Variants in DPP10 observed in about 807,000 individuals in gnomAD.
DPP10 encodes dipeptidyl peptidase like 10.
Under a neutral mutation model 120.9 loss-of-function variants are expected in DPP10, and 33 were observed. The observed-to-expected ratio is 0.27, with a 90% CI of 0.21 to 0.37. The LOEUF (loss-of-function observed/expected upper bound fraction) is 0.37. Ranked by LOEUF, DPP10 falls within the 10% of genes least tolerant of loss-of-function variation. The pLI, the probability that DPP10 is intolerant of heterozygous loss-of-function variation, is 1.00. For missense variants in DPP10, 816 were observed against 942.8 expected (o/e 0.87, Z 1.76); for synonymous variants, 337 against 326.1 (o/e 1.03, Z -0.36).
intron 1 of DPP10, chr2:115,161,739 G>A (rs2052381710): frequency 2.4e-6 from 1 of 413,332 alleles, no homozygotes; most frequent in Non-Finnish European, 4.2e-6. Flanking sequence ...GGAGAGCGGG[G>A]AGTCAGAGGG....
intron 1 of DPP10, among the ~76,000 whole-genome samples, chr2:114,677,396 A>G (rs566360395): frequency 1.3e-5 from 2 of 152,178 alleles, no homozygotes; most frequent in Non-Finnish European, 2.9e-5. Flanking sequence ...TTTCTGAATG[A>G]AAAAGTAGAG....
intron 1 of DPP10, among the ~76,000 whole-genome samples, chr2:114,844,493 G>A (rs1190206643): frequency 1.3e-5 from 2 of 151,588 alleles, no homozygotes; most frequent in African/African-American, 4.8e-5. Context: ...TACAAGAACT[G>A]TATTTGTGTG....
At chr2:115,568,704 G>A (rs963655902) in intron 5 of DPP10, among the ~76,000 whole-genome samples, 12 of 151,868 alleles carry the variant, frequency 7.9e-5, no homozygotes, top group African/African-American at 2.7e-4. Flanking sequence ...CATTCCCATG[G>A]AGTTAATCTG....
intron 1 of DPP10, among the ~76,000 whole-genome samples, chr2:115,208,816 G>T (rs1478999616): frequency 6.6e-6 from 1 of 152,104 alleles, no homozygotes; most frequent in African/African-American, 2.4e-5. Context: ...TAAGAGCAGT[G>T]CCAACATCAT....
intron 9 of DPP10, among the ~76,000 whole-genome samples, chr2:115,742,496 G>A (rs953620921): frequency 6.6e-6 from 1 of 152,066 alleles, no homozygotes; most frequent in African/African-American, 2.4e-5. Flanking sequence ...AATAGGCAAA[G>A]CCAAAAGAAA....
chr2:115,800,028 T>C (rs1341230375), intron 19 of DPP10, among the ~76,000 whole-genome samples: 2 of 151,494 alleles, frequency 1.3e-5, no homozygotes, highest in Non-Finnish European at 2.9e-5. Context: ...CCACAATGGT[T>C]GAACTAGTTT....
At chr2:115,287,591 A>G (rs2060454763) in intron 1 of DPP10, among the ~76,000 whole-genome samples, 1 of 152,074 alleles carries the variant, frequency 6.6e-6, no homozygotes, top group Admixed American at 6.6e-5. Context: ...AATGGCCTCC[A>G]GTTCTACTCA....
chr2:114,816,526 T>C (rs141649149), intron 1 of DPP10, among the ~76,000 whole-genome samples: 1 of 152,328 alleles, frequency 6.6e-6, no homozygotes, highest in African/African-American at 2.4e-5. Context: ...AAGGCCTTCC[T>C]TGACCACTCT....
chr2:115,590,160 A>G (rs2082550506), intron 5 of DPP10, among the ~76,000 whole-genome samples: 1 of 133,994 alleles, frequency 7.5e-6, no homozygotes, highest in Non-Finnish European at 1.6e-5. Context: ...CTTTATTATT[A>G]TTATTATTAT....
chr2:115,543,470 G>T (rs1281988290), intron 5 of DPP10, among the ~76,000 whole-genome samples: 1 of 151,930 alleles, frequency 6.6e-6, no homozygotes, highest in Admixed American at 6.6e-5. Flanking sequence ...CAATAAACTT[G>T]CAGGTAAACA....
chr2:114,971,348 T>C (rs866324316), intron 1 of DPP10, among the ~76,000 whole-genome samples: 21 of 152,186 alleles, frequency 1.4e-4, no homozygotes, highest in African/African-American at 4.8e-4. Flanking sequence ...GTAAACTGGA[T>C]TATAATTACA....
chr2:114,759,576 G>T (rs1244045362), intron 1 of DPP10, among the ~76,000 whole-genome samples: 2 of 151,486 alleles, frequency 1.3e-5, no homozygotes, highest in Admixed American at 1.3e-4. Context: ...GGAGTTCTTT[G>T]GGTCCATGTC....
intron 1 of DPP10, among the ~76,000 whole-genome samples, chr2:114,504,617 C>G (rs891312958): frequency 6.6e-6 from 1 of 151,918 alleles, no homozygotes; most frequent in Non-Finnish European, 1.5e-5. Context: ...AACAAAGTAG[C>G]TTGCATTCAT....
At chr2:115,444,013 T>A (rs1440851529) in intron 3 of DPP10, among the ~76,000 whole-genome samples, 2 of 152,098 alleles carry the variant, frequency 1.3e-5, no homozygotes, top group Non-Finnish European at 2.9e-5. Context: ...TATTAGCAGT[T>A]CCCTGCTTCC....
intron 1 of DPP10, among the ~76,000 whole-genome samples, chr2:114,919,638 C>T (rs1695051808): frequency 6.6e-6 from 1 of 152,046 alleles, no homozygotes; most frequent in Non-Finnish European, 1.5e-5. Flanking sequence ...AAATAATCAG[C>T]CAAAGTTTGC....
intron 5 of DPP10, among the ~76,000 whole-genome samples, chr2:115,664,485 T>C (rs2089278442): frequency 6.6e-6 from 1 of 152,226 alleles, no homozygotes; most frequent in African/African-American, 2.4e-5. Flanking sequence ...GCTTAATGTA[T>C]ATCTCCCACT....
intron 1 of DPP10, among the ~76,000 whole-genome samples, chr2:114,508,567 G>T (rs758089140): frequency 2.0e-5 from 3 of 152,074 alleles, no homozygotes; most frequent in Admixed American, 1.3e-4. Context: ...GCAAGCTTTC[G>T]TGTGAACTTA....
intron 1 of DPP10, among the ~76,000 whole-genome samples, chr2:114,450,862 C>T (rs755241561): frequency 3.9e-5 from 6 of 151,986 alleles, no homozygotes; most frequent in Non-Finnish European, 5.9e-5. Flanking sequence ...CTGCTGATTT[C>T]AATAGGTAGG....
chr2:115,025,723 T>C (rs1703411136), intron 1 of DPP10, among the ~76,000 whole-genome samples: 1 of 152,212 alleles, frequency 6.6e-6, no homozygotes. Context: ...AATACATCAC[T>C]GTGGTTTTGA....
Sources: gnomAD v4.1 joint callset for allele counts (sites outside exome capture counted in the v4.1 genomes callset) on GRCh38, gnomAD v4.1.1 for gene constraint, MANE v1.5 for transcripts, NCBI Gene and HGNC (gene_info 2026-07-23, HGNC 2026-07-21) for gene names.